CACNB2: variants seen among roughly 807,000 people sequenced by gnomAD.
CACNB2 encodes the protein voltage-dependent L-type calcium channel subunit beta-2.
CACNB2 carries 42 observed loss-of-function variants against 73.3 expected under a neutral mutation model. The observed-to-expected ratio is 0.57, with a 90% CI of 0.45 to 0.74. The LOEUF (loss-of-function observed/expected upper bound fraction) is 0.74, where lower values mean the gene tolerates loss of function less well. Among genes scored for constraint, CACNB2 ranks in the 30% least tolerant of loss-of-function variants. The pLI, the probability that CACNB2 is intolerant of heterozygous loss-of-function variation, is 0.00. For synonymous variants in CACNB2, 348 were observed against 310.3 expected (o/e 1.12, Z -1.28); for missense variants, 940 against 853.0 (o/e 1.10, Z -1.27).
At chr10:18,224,053 G>A (rs577105837) in intron 2 of CACNB2, among the ~76,000 whole-genome samples, 2 of 151,462 alleles carry the variant, frequency 1.3e-5, no homozygotes, top group South Asian at 4.2e-4. Context: ...ATGAGGTTTA[G>A]TTTGATAAGG....
chr10:18,178,150 G>A (rs1429764991), intron 2 of CACNB2, among the ~76,000 whole-genome samples: 1 of 152,086 alleles, frequency 6.6e-6, no homozygotes, highest in African/African-American at 2.4e-5. Context: ...AGTTGAATTC[G>A]GGTAATGTAG....
intron 2 of CACNB2, among the ~76,000 whole-genome samples, chr10:18,186,382 G>A (rs2034152305): frequency 6.6e-6 from 1 of 151,426 alleles, no homozygotes; most frequent in African/African-American, 2.4e-5. Flanking sequence ...TCATGCTGTT[G>A]CACTCCAGCC....
intron 2 of CACNB2, among the ~76,000 whole-genome samples, chr10:18,292,821 C>T (rs2039121303): frequency 6.6e-6 from 1 of 152,108 alleles, no homozygotes; most frequent in South Asian, 2.1e-4. Context: ...TTAAAATTAA[C>T]AGGCAAATGG....
At chr10:18,261,914 A>G in intron 2 of CACNB2, 1 of 518,354 alleles carries the variant, frequency 1.9e-6, no homozygotes, top group Non-Finnish European at 3.9e-6. Context: ...GCAGGCTCAC[A>G]CAAATATTGA....
intron 2 of CACNB2, among the ~76,000 whole-genome samples, chr10:18,195,005 G>A (rs139533439): frequency 1.3e-5 from 2 of 152,298 alleles, no homozygotes; most frequent in African/African-American, 4.8e-5. Context: ...TTCTTAGGAT[G>A]TGTATGGTCT....
intron 2 of CACNB2, among the ~76,000 whole-genome samples, chr10:18,386,112 C>T (rs2043219417): frequency 6.6e-6 from 1 of 152,148 alleles, no homozygotes; most frequent in African/African-American, 2.4e-5. Flanking sequence ...TGCTTGTAAT[C>T]TTTGCCAATA....
At chr10:18,368,326 T>A (rs2042439072) in intron 2 of CACNB2, among the ~76,000 whole-genome samples, 1 of 152,176 alleles carries the variant, frequency 6.6e-6, no homozygotes, top group Non-Finnish European at 1.5e-5. Flanking sequence ...GAAAAAAACT[T>A]TCAAAAGAGT....
intron 2 of CACNB2, among the ~76,000 whole-genome samples, chr10:18,324,606 A>G (rs980357810): frequency 3.9e-5 from 6 of 152,284 alleles, no homozygotes; most frequent in African/African-American, 1.4e-4. Context: ...TAATCCCAAC[A>G]CTTTGGGAGG....
At position 18,228,433 on chromosome 10, in the gene CACNB2, CA is replaced by C. The variant is rs1164745930; in HGVS notation, c.213+77474del. On this transcript the variant is annotated intron_variant, in intron 2 of 13. Transcript: ENST00000324631. ...GAGCAACAAGAGCAAAACTCTACCTCAAAAAAAAAAAAAAAAGAAAAAAAAA... is the reference window on the plus strand; with the variant it reads ...GAGCAACAAGAGCAAAACTCTACCTCAAAAAAAAAAAAAAAGAAAAAAAAA... 2.4e-3 allele frequency among the ~76,000 whole-genome samples: 83 copies of C among 34,806 alleles called. 2 individuals carry two copies. The highest frequency in any genetic ancestry group is 0.016 in the East Asian group (19 of 1,218). The allele number at this position is 34,806 out of a possible 152,430, so 22.8% of individuals were successfully genotyped here. A position where few individuals can be genotyped will look rare whatever the true frequency, so the allele number is the denominator to read the frequency against.
chr10:18,295,449 TAGGCA>T (rs1398136271), intron 2 of CACNB2, among the ~76,000 whole-genome samples: 5 of 152,226 alleles, frequency 3.3e-5, no homozygotes, highest in African/African-American at 1.2e-4. Context: ...ATCCTGATGC[TAGGCA>T]AACTCTCTTG....
intron 2 of CACNB2, among the ~76,000 whole-genome samples, chr10:18,286,694 A>C (rs1177271976): frequency 6.6e-6 from 1 of 152,172 alleles, no homozygotes; most frequent in Admixed American, 6.5e-5. Context: ...AATTAGCTGG[A>C]AGATGGACTT....
At chr10:18,495,447 A>G (rs1443207015) in intron 3 of CACNB2, among the ~76,000 whole-genome samples, 2 of 151,988 alleles carry the variant, frequency 1.3e-5, no homozygotes, top group African/African-American at 4.8e-5. Context: ...TAGAACTCCC[A>G]ATCTCAGGTG....
intron 2 of CACNB2, among the ~76,000 whole-genome samples, chr10:18,151,904 A>C (rs894091995): frequency 6.6e-6 from 1 of 152,174 alleles, no homozygotes; most frequent in African/African-American, 2.4e-5. Flanking sequence ...CACTTTCCCC[A>C]GTGCCGCTTG....
intron 2 of CACNB2, among the ~76,000 whole-genome samples, chr10:18,276,692 C>G (rs1455003875): frequency 6.6e-6 from 1 of 152,178 alleles, no homozygotes; most frequent in Non-Finnish European, 1.5e-5. Flanking sequence ...GATTATCCTG[C>G]CGCAGCCTCC....
rs78311172 is a variant in CACNB2 at position 18,268,346 on chromosome 10, G to A, written c.213+117371G>A. On this transcript the variant is annotated intron_variant, in intron 2 of 13. Transcript: ENST00000324631. The stretch of plus-strand genomic sequence containing the variant: ...TAGCAGTGGAAATATATGAGTTTCC[G>A]GAACATTAAAATGTGTTTGACATAA... Among the ~76,000 whole-genome samples, 445 of 152,140 alleles carry A rather than the reference G, an allele frequency of 2.9e-3. 2 individuals carry two copies. Among genetic ancestry groups the A allele is most frequent in the African/African-American group, 0.01 (423 of 41,504 alleles).
intron 2 of CACNB2, among the ~76,000 whole-genome samples, chr10:18,199,943 G>A (rs914101505): frequency 9.2e-5 from 10 of 108,234 alleles, no homozygotes; most frequent in Non-Finnish European, 1.4e-4. Flanking sequence ...ATATGAAACT[G>A]TGTGTGTGTG....
chr10:18,443,946 C>T (rs558596739), intron 3 of CACNB2, among the ~76,000 whole-genome samples: 83 of 152,244 alleles, frequency 5.5e-4, no homozygotes, highest in African/African-American at 1.8e-3. Context: ...AATGCCTAAC[C>T]TCGAGCAATC....
At chr10:18,414,483 CTTTTTTTT>C (rs11384501) in intron 3 of CACNB2, among the ~76,000 whole-genome samples, 3 of 132,178 alleles carry the variant, frequency 2.3e-5, no homozygotes, top group African/African-American at 6.2e-5. Flanking sequence ...TTACTACTAC[CTTTTTTTT>C]TTTTTTTTTT....
At chr10:18,344,238 C>G (rs1180362534) in intron 2 of CACNB2, among the ~76,000 whole-genome samples, 1 of 152,152 alleles carries the variant, frequency 6.6e-6, no homozygotes, top group Non-Finnish European at 1.5e-5. Context: ...CATGGAGATG[C>G]TGGCTTCAGC....
Sources: gnomAD v4.1 joint callset for allele counts (sites outside exome capture counted in the v4.1 genomes callset) on GRCh38, gnomAD v4.1.1 for gene constraint, MANE v1.5 for transcripts, NCBI Gene and HGNC (gene_info 2026-07-23, HGNC 2026-07-21) for gene names.